Variants in RAD51B observed in about 807,000 individuals in gnomAD.
RAD51B encodes DNA repair protein RAD51 homolog 2.
RAD51B carries 38 observed loss-of-function variants against 42.2 expected under a neutral mutation model. The observed-to-expected ratio is 0.90, with a 90% CI of 0.70 to 1.18. The LOEUF (loss-of-function observed/expected upper bound fraction) is 1.18. RAD51B is among the 50% of genes most tolerant of loss of function. The pLI, the probability that RAD51B is intolerant of heterozygous loss-of-function variation, is 0.00. For synonymous variants in RAD51B, 154 were observed against 145.2 expected (o/e 1.06, Z -0.43); for missense variants, 373 against 400.7 (o/e 0.93, Z 0.59).
intron 10 of RAD51B, among the ~76,000 whole-genome samples, chr14:68,602,506 C>CTAGA (rs752180767): frequency 0.07 from 10,367 of 148,898 alleles, 591 homozygotes; most frequent in African/African-American, 0.15. Context: ...GGATGGATAG[C>CTAGA]TAGATAGATA....
chr14:68,372,629 G>A (rs950819801), intron 8 of RAD51B, among the ~76,000 whole-genome samples: 1 of 152,084 alleles, frequency 6.6e-6, no homozygotes, highest in Non-Finnish European at 1.5e-5. Flanking sequence ...AGAAAAGAGG[G>A]TCATTAAAAA....
intron 7 of RAD51B, among the ~76,000 whole-genome samples, chr14:67,902,154 C>G (rs895750444): frequency 6.6e-6 from 1 of 152,016 alleles, no homozygotes; most frequent in Non-Finnish European, 1.5e-5. Context: ...CTCAGTATCC[C>G]TATCTGTAGA....
intron 7 of RAD51B, among the ~76,000 whole-genome samples, chr14:67,966,437 T>TA (rs1417604627): frequency 6.6e-6 from 1 of 152,222 alleles, no homozygotes; most frequent in Non-Finnish European, 1.5e-5. Context: ...ATGATTCTTT[T>TA]AAAAAATTAG....
At chr14:67,971,732 T>A (rs772856758) in intron 7 of RAD51B, among the ~76,000 whole-genome samples, 13 of 152,018 alleles carry the variant, frequency 8.6e-5, no homozygotes, top group Non-Finnish European at 1.8e-4. Context: ...TCATCCTCCC[T>A]CAGGGGGAAT....
chr14:68,636,309 G>T (rs1003736246), intron 10 of RAD51B, among the ~76,000 whole-genome samples: 1 of 152,132 alleles, frequency 6.6e-6, no homozygotes, highest in East Asian at 1.9e-4. Context: ...AAGGCTGGGC[G>T]TGGTGGCTCA....
Position 68,173,273 on chromosome 14 carries a change from T to A in RAD51B, c.757-118611T>A, listed in dbSNP as rs1279003048. On this transcript the variant is annotated intron_variant, in intron 7 of 10. Coordinates refer to ENST00000471583, the MANE Select transcript of RAD51B (RefSeq NM_133510.4). ...GCTAGAGCCATTTGTAGTTAATACA[T>A]TTTGGTCTTTGATCTTTTTCCACAT... Among the ~76,000 whole-genome samples the A allele has an allele frequency of 3.9e-5, 6 of 152,196 alleles. No individual in the cohort carries two copies. The East Asian group carries it at 1.2e-3, about 29-fold the overall frequency.
At chr14:68,428,817 A>G (rs989008230) in intron 9 of RAD51B, among the ~76,000 whole-genome samples, 4 of 148,022 alleles carry the variant, frequency 2.7e-5, no homozygotes, top group African/African-American at 5.1e-5. Context: ...CAGGTTTGTT[A>G]CATATGTATA....
At chr14:68,080,067 A>G (rs1171953989) in intron 7 of RAD51B, among the ~76,000 whole-genome samples, 1 of 152,258 alleles carries the variant, frequency 6.6e-6, no homozygotes, top group Non-Finnish European at 1.5e-5. Context: ...GATGAGAAAA[A>G]TGGAGTATGA....
chr14:67,902,736 A>G (rs1462690551), intron 7 of RAD51B, among the ~76,000 whole-genome samples: 1 of 152,204 alleles, frequency 6.6e-6, no homozygotes, highest in Admixed American at 6.5e-5. Context: ...CTTTATGTTT[A>G]CAGAGGACCC....
intron 9 of RAD51B, among the ~76,000 whole-genome samples, chr14:68,423,847 G>A (rs2084770715): frequency 6.6e-6 from 1 of 152,196 alleles, no homozygotes; most frequent in Non-Finnish European, 1.5e-5. Flanking sequence ...TTATAACTGT[G>A]TGGCTCTGTG....
rs1344204813 is a variant in RAD51B at position 67,884,446 on chromosome 14, A to G, written c.453-1423A>G. On this transcript the variant is annotated intron_variant, in intron 5 of 10. Coordinates refer to ENST00000471583, the MANE Select transcript of RAD51B (RefSeq NM_133510.4). ...CCATGTTTCTAGAAGATGTTGCCAG[A>G]CCTATCCTGTTAAAAACTGGTAGGT... Among the ~76,000 whole-genome samples the G allele has an allele frequency of 2.6e-5, 4 of 152,158 alleles. No individual in the cohort carries two copies. The East Asian group carries it at 5.8e-4, about 22-fold the overall frequency.
intron 10 of RAD51B, among the ~76,000 whole-genome samples, chr14:68,584,818 T>C (rs1890378201): frequency 2.0e-5 from 3 of 152,216 alleles, no homozygotes; most frequent in Admixed American, 2.0e-4. Context: ...TTCCATGTTA[T>C]GTAGAAATCA....
chr14:68,317,831 A>C (rs1307239980), intron 8 of RAD51B, among the ~76,000 whole-genome samples: 1 of 152,234 alleles, frequency 6.6e-6, no homozygotes, highest in Non-Finnish European at 1.5e-5. Context: ...GATGTGAGCA[A>C]AGGCTCAGGG....
intron 10 of RAD51B, among the ~76,000 whole-genome samples, chr14:68,528,356 C>G (rs1371218343): frequency 6.6e-6 from 1 of 152,210 alleles, no homozygotes; most frequent in Non-Finnish European, 1.5e-5. Context: ...TAATTATTTT[C>G]CCTTCTTCCT....
At chr14:68,047,257 A>G (rs1432451901) in intron 7 of RAD51B, among the ~76,000 whole-genome samples, 3 of 152,184 alleles carry the variant, frequency 2.0e-5, no homozygotes, top group Non-Finnish European at 4.4e-5. Flanking sequence ...AATAATGTTT[A>G]TGAGAAGAAA....
intron 10 of RAD51B, among the ~76,000 whole-genome samples, chr14:68,575,935 G>A (rs1441068746): frequency 2.0e-5 from 3 of 152,194 alleles, no homozygotes; most frequent in Non-Finnish European, 4.4e-5. Context: ...ATAGATGGAC[G>A]GGCAGGGTTC....
chr14:68,549,563 G>A lies in RAD51B; in HGVS notation c.1037-44922G>A, dbSNP rs374094258. Among the ~76,000 whole-genome samples, 7 of 150,168 alleles carry A rather than the reference G, an allele frequency of 4.7e-5. No homozygotes were observed. In the South Asian group the frequency reaches 8.6e-4, roughly 18 times the overall value. On this transcript the variant is annotated intron_variant, in intron 10 of 10. Transcript: ENST00000487270. ...CCCGTGTAGCTGGGACTACAGGCGC[G>A]CGCCACCATGCCCGGCTAATTTTTG...
At chr14:67,846,207 T>C (rs1331021111) in intron 4 of RAD51B, among the ~76,000 whole-genome samples, 1 of 152,162 alleles carries the variant, frequency 6.6e-6, no homozygotes, top group African/African-American at 2.4e-5. Flanking sequence ...TGTGTGCATA[T>C]TCATACTGGT....
chr14:68,460,887 A>C lies in RAD51B; in HGVS notation c.958-7285A>C, dbSNP rs190814327. Among the ~76,000 whole-genome samples, 95 of 152,314 alleles carry C rather than the reference A, an allele frequency of 6.2e-4. 1 individual carries two copies. The highest frequency in any genetic ancestry group is 1.9e-3 in the African/African-American group (80 of 41,572). The stretch of plus-strand genomic sequence containing the variant: ...CCTAACTCTGGGAAGAGGGAACCAG[A>C]TAAGTCCTAAAAATGGATATGAATC... On this transcript the variant is annotated intron_variant, in intron 9 of 10. Transcript: ENST00000471583.
Sources: allele counts gnomAD v4.1 joint callset (sites outside exome capture counted in the v4.1 genomes callset), GRCh38; gene constraint gnomAD v4.1.1; transcripts MANE v1.5; gene names NCBI Gene and HGNC (gene_info 2026-07-23, HGNC 2026-07-21).